NOVA1: variants seen among roughly 807,000 people sequenced by gnomAD.
NOVA1 encodes NOVA alternative splicing regulator 1, also known as RNA-binding protein Nova-1.
NOVA1 carries 7 observed loss-of-function variants against 38.0 expected under a neutral mutation model. The ratio of observed to expected loss-of-function variants is 0.18; its 90% confidence interval spans 0.10 to 0.35. The LOEUF is 0.35. NOVA1 is among the 10% of genes least tolerant of loss of function. The pLI, the probability that NOVA1 is intolerant of heterozygous loss-of-function variation, is 1.00. For missense variants in NOVA1, 460 were observed against 616.0 expected, an observed-to-expected ratio of 0.75 and a Z score of 2.68; for synonymous variants, 270 against 232.5, an observed-to-expected ratio of 1.16 and a Z score of -1.47.
intron 4 of NOVA1, among the ~76,000 whole-genome samples, chr14:26,454,713 C>A (rs1198029025): frequency 6.6e-6 from 1 of 152,080 alleles, no homozygotes; most frequent in Non-Finnish European, 1.5e-5. Flanking sequence ...ATTTGCCTAT[C>A]AAAATACTGA....
At chr14:26,503,012 T>G (rs1206614053) in intron 2 of NOVA1, among the ~76,000 whole-genome samples, 2 of 152,070 alleles carry the variant, frequency 1.3e-5, no homozygotes, top group Non-Finnish European at 2.9e-5. Flanking sequence ...TTTGTTTTCC[T>G]TTAGTCTCCT....
intron 2 of NOVA1, among the ~76,000 whole-genome samples, chr14:26,527,202 AC>A (rs1889370787): frequency 9.8e-6 from 1 of 102,436 alleles, no homozygotes; most frequent in Non-Finnish European, 2.2e-5. Flanking sequence ...AATGACTGAT[AC>A]CAGGAGTCAA....
intron 2 of NOVA1, among the ~76,000 whole-genome samples, chr14:26,581,214 A>G (rs1221874214): frequency 6.6e-6 from 1 of 152,110 alleles, no homozygotes; most frequent in African/African-American, 2.4e-5. Flanking sequence ...ACTTCCACAG[A>G]GGCGTTAAGA....
intron 2 of NOVA1, among the ~76,000 whole-genome samples, chr14:26,490,804 G>A (rs1886270624): frequency 6.7e-6 from 1 of 148,230 alleles, no homozygotes; most frequent in African/African-American, 2.5e-5. Context: ...TCAGCCCCAA[G>A]TAGGTGAACT....
intron 2 of NOVA1, among the ~76,000 whole-genome samples, chr14:26,574,269 C>CA (rs1892682739): frequency 4.4e-5 from 2 of 45,462 alleles, no homozygotes; most frequent in African/African-American, 1.9e-4. Flanking sequence ...CGTGATCCAC[C>CA]CCCCCCCCCC....
intron 2 of NOVA1, among the ~76,000 whole-genome samples, chr14:26,528,682 T>C (rs1445095199): frequency 3.3e-5 from 5 of 152,118 alleles, no homozygotes; most frequent in Non-Finnish European, 2.9e-5. Context: ...TGTTGACCAA[T>C]GAAGAATCTT....
intron 2 of NOVA1, among the ~76,000 whole-genome samples, chr14:26,536,918 C>T (rs1318940377): frequency 6.6e-6 from 1 of 152,076 alleles, no homozygotes; most frequent in African/African-American, 2.4e-5. Context: ...ACATACACTA[C>T]TACTAGGAGA....
chr14:26,526,309 C>T (rs999360353), intron 2 of NOVA1, among the ~76,000 whole-genome samples: 9 of 151,938 alleles, frequency 5.9e-5, no homozygotes, highest in African/African-American at 2.2e-4. Flanking sequence ...TACTGAATTC[C>T]AAAAGTCTTA....
chr14:26,587,302 A>AAT (rs1224804155), intron 2 of NOVA1, among the ~76,000 whole-genome samples: 77 of 104,770 alleles, frequency 7.3e-4, no homozygotes, highest in East Asian at 1.6e-3. Flanking sequence ...AGGGATCTAA[A>AAT]ATATATAAAA....
chr14:26,516,806 T>C lies in NOVA1; in HGVS notation c.281-36663A>G, dbSNP rs553844245. ...TCATCTAGCTGTGGTTGTCTTTAAT[T>C]ATGTGTTAAAGAAATGAAGAAGAAT... On this transcript the variant is annotated intron_variant, in intron 2 of 4. Coordinates refer to ENST00000539517, the MANE Select transcript of NOVA1 (RefSeq NM_002515.3). Among the ~76,000 whole-genome samples, 17 of 152,280 alleles carry C rather than the reference T, an allele frequency of 1.1e-4. No individual in the cohort carries two copies. The South Asian group carries it at 1.2e-3, about 11-fold the overall frequency.
intron 2 of NOVA1, among the ~76,000 whole-genome samples, chr14:26,514,179 T>C (rs1427028152): frequency 6.6e-6 from 1 of 151,750 alleles, no homozygotes; most frequent in Non-Finnish European, 1.5e-5. Flanking sequence ...AATCATATAG[T>C]TAAAAATTTA....
chr14:26,553,435 G>A (rs187557423), intron 2 of NOVA1, among the ~76,000 whole-genome samples: 5 of 152,216 alleles, frequency 3.3e-5, no homozygotes, highest in East Asian at 1.9e-4. Context: ...CAAATCAAGC[G>A]AGAGTTCATC....
At position 26,534,278 on chromosome 14, in the gene NOVA1, C is replaced by A. The variant is rs1346344612; in HGVS notation, c.281-54135G>T. Among the ~76,000 whole-genome samples, 8 of 152,180 alleles carry A rather than the reference C, an allele frequency of 5.3e-5. No individual in the cohort carries two copies. In the South Asian group the frequency reaches 1.5e-3, roughly 28 times the overall value. The stretch of plus-strand genomic sequence containing the variant: ...AAGTGTGGGCTAATATTTGGTAGTA[C>A]ATAAATACAACAAAACATATGTCCA... On this transcript the variant is annotated intron_variant, in intron 2 of 4. Transcript: ENST00000539517.
rs1409924037 is a variant in NOVA1, at chr14:26,550,555, T to C, written c.280+44855A>G. Among the ~76,000 whole-genome samples, 10 of 152,112 alleles carry C rather than the reference T, an allele frequency of 6.6e-5. 1 individual carries two copies. Among genetic ancestry groups the C allele is most frequent in the Admixed American group, 6.6e-4 (10 of 15,260 alleles). On this transcript the variant is annotated intron_variant, in intron 2 of 4. Coordinates refer to ENST00000539517, the MANE Select transcript of NOVA1 (RefSeq NM_002515.3). ...ATTCTGCTTTTACTACAACAACCTG[T>C]CCACACAATTTATCTTTGATGGAAT...
At chr14:26,455,618 C>T (rs140663183) in intron 4 of NOVA1, among the ~76,000 whole-genome samples, 1 of 152,010 alleles carries the variant, frequency 6.6e-6, no homozygotes, top group East Asian at 1.9e-4. Context: ...CATTATTTCA[C>T]TTTGCTCCTG....
chr14:26,581,705 T>C (rs1566557275), intron 2 of NOVA1, among the ~76,000 whole-genome samples: 1 of 151,978 alleles, frequency 6.6e-6, no homozygotes. Context: ...TCAGAAATAT[T>C]ATCTCCCAGT....
At chr14:26,536,663 A>G (rs1385164438) in intron 2 of NOVA1, among the ~76,000 whole-genome samples, 2 of 152,172 alleles carry the variant, frequency 1.3e-5, no homozygotes, top group Non-Finnish European at 2.9e-5. Context: ...AGATCAAACC[A>G]TAAGTGAGCA....
chr14:26,449,113 C>T (rs934858190), intron 4 of NOVA1, 150 bp from the exon 5 acceptor site: 7 of 733,012 alleles, frequency 9.5e-6, no homozygotes, highest in Admixed American at 3.3e-5. Context: ...TGACTTTTAT[C>T]ACACTTTAAT....
chr14:26,585,574 T>C (rs1489155199), intron 2 of NOVA1, among the ~76,000 whole-genome samples: 1 of 151,320 alleles, frequency 6.6e-6, no homozygotes, highest in Non-Finnish European at 1.5e-5. Context: ...GTCTTTTTCC[T>C]TACTGAACAT....
Sources: allele counts gnomAD v4.1 joint callset (sites outside exome capture counted in the v4.1 genomes callset), GRCh38; gene constraint gnomAD v4.1.1; transcripts MANE v1.5; gene names NCBI Gene and HGNC (gene_info 2026-07-23, HGNC 2026-07-21).